ADGRL3: variants seen among roughly 807,000 people sequenced by gnomAD.
ADGRL3 encodes the protein adhesion G protein-coupled receptor L3.
Under a neutral mutation model 153.5 loss-of-function variants are expected in ADGRL3, and 62 were observed. That is an observed-to-expected ratio of 0.40 (90% CI 0.33 to 0.50). The LOEUF is 0.50. ADGRL3 is among the 20% of genes least tolerant of loss of function. The probability of loss-of-function intolerance (pLI) is 0.47; values close to 1 mark genes in which losing one functional copy is unlikely to be tolerated. For synonymous variants in ADGRL3, 710 were observed against 672.5 expected, an observed-to-expected ratio of 1.06 and a Z score of -0.86; for missense variants, 1,641 against 1,859.4, an observed-to-expected ratio of 0.88 and a Z score of 2.16.
intron 1 of ADGRL3, among the ~76,000 whole-genome samples, chr4:61,246,847 G>C (rs1757298850): frequency 6.6e-6 from 1 of 151,646 alleles, no homozygotes; most frequent in Non-Finnish European, 1.5e-5. Context: ...TATATATGGG[G>C]GGAAGGGGAT....
chr4:61,740,598 C>T (rs932849275), intron 8 of ADGRL3, among the ~76,000 whole-genome samples: 5 of 152,166 alleles, frequency 3.3e-5, no homozygotes, highest in African/African-American at 1.2e-4. Context: ...GTTAAATATT[C>T]ACGTGTTTTC....
intron 2 of ADGRL3, among the ~76,000 whole-genome samples, chr4:61,494,008 G>T (rs540030574): frequency 1.3e-5 from 2 of 151,078 alleles, no homozygotes; most frequent in East Asian, 3.9e-4. Context: ...AGCACAATGT[G>T]TAGCATGTGA....
intron 2 of ADGRL3, among the ~76,000 whole-genome samples, chr4:61,437,762 C>T: frequency 6.6e-6 from 1 of 152,196 alleles, no homozygotes; most frequent in East Asian, 1.9e-4. Flanking sequence ...GCTTCTCCTT[C>T]TCTATCAGCT....
chr4:62,037,827 A>G lies in ADGRL3; in HGVS notation c.3688A>G (p.Thr1230Ala). 1 of 1,613,586 alleles carries G rather than the reference A, an allele frequency of 6.2e-7. No homozygotes were observed. Among genetic ancestry groups the G allele is most frequent in the East Asian group, 2.2e-5 (1 of 44,808 alleles). ...IGSGKTSGSRTPGRYSTGSQS... is the reference protein window; with the variant it reads ...IGSGKTSGSRAPGRYSTGSQS... ...TTCAGGGAAAACATCTGGTTCTCGAACTCCTGGACGCTACTCCACAGGCTC... is the reference window on the plus strand; with the variant it reads ...TTCAGGGAAAACATCTGGTTCTCGAGCTCCTGGACGCTACTCCACAGGCTC... The change falls in exon 24 of 27, where the codon ACT becomes GCT. Residue 1230 changes from threonine (T) to alanine (A), a missense_variant. This residue lies in a region of ADGRL3 where 517 missense variants were observed against 555.0 expected (regional missense o/e 0.93). Coordinates refer to ENST00000683033, the MANE Select transcript of ADGRL3 (RefSeq NM_001387552.1).
rs956042664 is a variant in ADGRL3 at position 61,355,606 on chromosome 4, A to G, written c.-239-27518A>G. Among the ~76,000 whole-genome samples the G allele has an allele frequency of 2.1e-5, 3 of 146,216 alleles. No individual in the cohort carries two copies. In the East Asian group the frequency reaches 6.0e-4, roughly 29 times the overall value. On this transcript the variant is annotated intron_variant, in intron 1 of 26. Coordinates refer to ENST00000683033, the MANE Select transcript of ADGRL3 (RefSeq NM_001387552.1). Reference sequence around the variant, plus strand: ...TTGGTATTTCTAATCTGTGACAGACATGTGACTGAGCCCTTTATATCCAAG... The same window carrying G: ...TTGGTATTTCTAATCTGTGACAGACGTGTGACTGAGCCCTTTATATCCAAG...
intron 6 of ADGRL3, among the ~76,000 whole-genome samples, chr4:61,719,126 G>A (rs1184372323): frequency 1.3e-5 from 2 of 151,890 alleles, no homozygotes; most frequent in Non-Finnish European, 2.9e-5. Context: ...TGTCAACTTT[G>A]ACCTACCCAA....
At chr4:61,397,095 G>A (rs571512065) in intron 2 of ADGRL3, among the ~76,000 whole-genome samples, 206 of 151,542 alleles carry the variant, frequency 1.4e-3, no homozygotes, top group African/African-American at 4.7e-3. Context: ...GCAGTTTCTA[G>A]GACTTCAATA....
At chr4:61,359,490 ACATAAATCCCTTT>A (rs1485115675) in intron 1 of ADGRL3, among the ~76,000 whole-genome samples, 2 of 152,070 alleles carry the variant, frequency 1.3e-5, no homozygotes, top group African/African-American at 4.8e-5. Flanking sequence ...CCTTGCTGCT[ACATAAATCCCTTT>A]CAGCTCTTGC....
chr4:61,801,747 A>G (rs981879611), intron 8 of ADGRL3, among the ~76,000 whole-genome samples: 1 of 152,118 alleles, frequency 6.6e-6, no homozygotes, highest in African/African-American at 2.4e-5. Context: ...TTGTTAAGGG[A>G]TTTGTTAAGG....
chr4:61,846,835 G>A (rs1373415080), intron 9 of ADGRL3, among the ~76,000 whole-genome samples: 3 of 151,904 alleles, frequency 2.0e-5, no homozygotes, highest in Non-Finnish European at 4.4e-5. Context: ...GAGCAAGCAA[G>A]GTGGGGTGGG....
Position 62,076,817 on chromosome 4 carries a change from C to A in ADGRL3, c.*5909C>A, listed in dbSNP as rs1161478470. 6.6e-6 allele frequency: 1 copy of A among 151,762 alleles called. No individual in the cohort carries two copies. Among genetic ancestry groups the A allele is most frequent in the Non-Finnish European group, 1.5e-5 (1 of 67,818 alleles). 9.4% of individuals were successfully genotyped at this position (151,762 alleles called of 1,614,324 possible). A position where few individuals can be genotyped will look rare whatever the true frequency, so the allele number is the denominator to read the frequency against. On this transcript the variant is annotated 3_prime_UTR_variant, in exon 27 of 27. Coordinates refer to ENST00000683033, the MANE Select transcript of ADGRL3 (RefSeq NM_001387552.1). ...TCTAATCTGCTGGCTCTATTGAACA[C>A]CAACAGAGTTAATGCTTTTAGTAGC... is the stretch of plus-strand genomic sequence containing the variant.
intron 1 of ADGRL3, among the ~76,000 whole-genome samples, chr4:61,380,671 T>C (rs1035895937): frequency 6.6e-6 from 1 of 152,168 alleles, no homozygotes; most frequent in South Asian, 2.1e-4. Context: ...TTGCTTTTTA[T>C]GTCGCTTTCG....
At chr4:61,233,103 T>C (rs541842793) in intron 1 of ADGRL3, among the ~76,000 whole-genome samples, 2 of 152,190 alleles carry the variant, frequency 1.3e-5, no homozygotes, top group South Asian at 4.1e-4. Context: ...AAAAAGTCAT[T>C]ATCCAGTTTA....
At chr4:61,403,648 A>G (rs1167930876) in intron 2 of ADGRL3, among the ~76,000 whole-genome samples, 1 of 152,024 alleles carries the variant, frequency 6.6e-6, no homozygotes, top group Non-Finnish European at 1.5e-5. Flanking sequence ...GAACCCAAGG[A>G]GTTGTTTGTG....
rs145311520 is a variant in ADGRL3, at chr4:61,695,872, T to A, written c.583+18937T>A. Reference sequence around the variant, plus strand: ...CATCAGAATTTGCTGCTTCATTTTGTACTTTTATGTTATGGAGATGGCCTC... The same window carrying A: ...CATCAGAATTTGCTGCTTCATTTTGAACTTTTATGTTATGGAGATGGCCTC... On this transcript the variant is annotated intron_variant, in intron 6 of 26. Transcript: ENST00000683033. Among the ~76,000 whole-genome samples the A allele has an allele frequency of 3.3e-3, 500 of 152,326 alleles. 2 individuals carry two copies. The highest frequency in any genetic ancestry group is 0.011 in the African/African-American group (477 of 41,576).
At chr4:61,891,910 A>G (rs768571431) in intron 9 of ADGRL3, among the ~76,000 whole-genome samples, 2 of 152,194 alleles carry the variant, frequency 1.3e-5, no homozygotes, top group South Asian at 2.1e-4. Flanking sequence ...CATAGGTTCA[A>G]TTACCTAACA....
At chr4:61,291,583 C>CAT (rs1207822155) in intron 1 of ADGRL3, among the ~76,000 whole-genome samples, 1,381 of 77,490 alleles carry the variant, frequency 0.018, 32 homozygotes, top group African/African-American at 0.056. Flanking sequence ...TATATATATA[C>CAT]ATATATATAT....
chr4:61,778,108 C>T (rs1449840057), intron 8 of ADGRL3, among the ~76,000 whole-genome samples: 1 of 152,182 alleles, frequency 6.6e-6, no homozygotes, highest in African/African-American at 2.4e-5. Context: ...ACTGTCAAAA[C>T]TTTGTTTCAT....
intron 11 of ADGRL3, among the ~76,000 whole-genome samples, chr4:61,907,893 T>C (rs990446874): frequency 1.4e-4 from 22 of 152,162 alleles, no homozygotes; most frequent in Admixed American, 1.1e-3. Context: ...TGCCTAACTT[T>C]CTGAGAATGC....
Sources: gnomAD v4.1 joint callset for allele counts (sites outside exome capture counted in the v4.1 genomes callset) on GRCh38, gnomAD v4.1.1 for gene constraint, gnomAD v4.1.1 regional missense constraint, MANE v1.5 for transcripts, NCBI Gene and HGNC (gene_info 2026-07-23, HGNC 2026-07-21) for gene names.